The following TGFBR3 variants were observed in gnomAD, a reference collection of about 807,000 sequenced individuals.
TGFBR3 encodes the protein transforming growth factor beta receptor 3.
A neutral mutation model predicts 87.9 loss-of-function variants in TGFBR3; 46 were observed. The observed-to-expected ratio is 0.52, with a 90% CI of 0.41 to 0.67. TGFBR3 has a LOEUF of 0.67. Among genes scored for constraint, TGFBR3 ranks in the 30% least tolerant of loss-of-function variants. TGFBR3 has a pLI of 0.00. For synonymous variants in TGFBR3, 381 were observed against 391.6 expected (o/e 0.97, Z 0.32); for missense variants, 866 against 1,041.9 (o/e 0.83, Z 2.32).
In TGFBR3 at chr1:91,723,834, C is replaced by T. The variant is rs1672458275; in HGVS notation, c.886-1690G>A. 3.9e-5 allele frequency among the ~76,000 whole-genome samples: 6 copies of T among 152,194 alleles called. No individual in the cohort carries two copies. The South Asian group carries it at 1.2e-3, about 31-fold the overall frequency. ...ATGCCCAGTGATTTTCTCCTGCATGCATGCAGCATTTTTCCTAAATTCCTC... is the reference window on the plus strand; with the variant it reads ...ATGCCCAGTGATTTTCTCCTGCATGTATGCAGCATTTTTCCTAAATTCCTC... On this transcript the variant is annotated intron_variant, in intron 7 of 16. Transcript: ENST00000212355.
At chr1:91,762,703 A>G (rs1674015863) in intron 3 of TGFBR3, among the ~76,000 whole-genome samples, 1 of 152,218 alleles carries the variant, frequency 6.6e-6, no homozygotes, top group African/African-American at 2.4e-5. Context: ...TCCCTCATAC[A>G]TTGCTGATTC....
chr1:91,771,681 G>T (rs1175600673), intron 3 of TGFBR3, among the ~76,000 whole-genome samples: 3 of 145,774 alleles, frequency 2.1e-5, no homozygotes, highest in African/African-American at 7.6e-5. Flanking sequence ...ACTCCAGCCT[G>T]GGTGACAGAG....
intron 2 of TGFBR3, among the ~76,000 whole-genome samples, chr1:91,849,981 C>T (rs1487276598): frequency 6.8e-6 from 1 of 146,266 alleles, no homozygotes. Context: ...ACTCGGGAGG[C>T]TGAGGCAGGA....
chr1:91,728,372 C>T (rs1208323730), intron 6 of TGFBR3, among the ~76,000 whole-genome samples: 2 of 152,092 alleles, frequency 1.3e-5, no homozygotes, highest in East Asian at 1.9e-4. Context: ...GCTACAGAAT[C>T]GTATCTGCAT....
intron 1 of TGFBR3, among the ~76,000 whole-genome samples, chr1:91,875,199 G>A (rs1244676974): frequency 6.6e-6 from 1 of 152,166 alleles, no homozygotes; most frequent in Non-Finnish European, 1.5e-5. Flanking sequence ...TCACGAGGCA[G>A]CAAGAGAAGC....
chr1:91,711,296 T>G (rs1339152105), intron 13 of TGFBR3, among the ~76,000 whole-genome samples: 1 of 152,184 alleles, frequency 6.6e-6, no homozygotes, highest in Non-Finnish European at 1.5e-5. Context: ...TTCTCTTGGG[T>G]GTTATCAGAG....
chr1:91,856,468 A>T (rs1471717668), intron 2 of TGFBR3, among the ~76,000 whole-genome samples: 2 of 151,640 alleles, frequency 1.3e-5, no homozygotes, highest in Non-Finnish European at 2.9e-5. Context: ...ACAAGCAGAG[A>T]AGGAAAGAAA....
upstream of TGFBR3, among the ~76,000 whole-genome samples, chr1:91,888,180 C>T (rs1424719138): frequency 1.3e-5 from 2 of 152,188 alleles, no homozygotes; most frequent in East Asian, 1.9e-4. Context: ...CTGCCATCCA[C>T]GTGATATGTG....
intron 2 of TGFBR3, among the ~76,000 whole-genome samples, chr1:91,837,239 T>TATTG (rs1677097662): frequency 6.6e-6 from 1 of 151,782 alleles, no homozygotes; most frequent in South Asian, 2.1e-4. Context: ...TTTATTTATT[T>TATTG]ATTTATTTAT....
chr1:91,879,130 G>A (rs1022751455), intron 1 of TGFBR3, among the ~76,000 whole-genome samples: 3 of 151,904 alleles, frequency 2.0e-5, no homozygotes, highest in African/African-American at 4.8e-5. Context: ...TTAGCCAGAT[G>A]TGGTGGCCCC....
chr1:91,824,520 C>T (rs555675897), intron 2 of TGFBR3, among the ~76,000 whole-genome samples: 29 of 152,288 alleles, frequency 1.9e-4, no homozygotes, highest in Admixed American at 6.5e-4. Flanking sequence ...CATGGGTGCC[C>T]ATTCAAATGT....
intron 1 of TGFBR3, among the ~76,000 whole-genome samples, chr1:91,873,583 G>A (rs1427777252): frequency 6.6e-6 from 1 of 151,894 alleles, no homozygotes; most frequent in Non-Finnish European, 1.5e-5. Context: ...TTATAGGCCT[G>A]AGCCAACACG....
intron 1 of TGFBR3, among the ~76,000 whole-genome samples, chr1:91,900,235 T>TC (rs1309393591): frequency 6.6e-6 from 1 of 152,136 alleles, no homozygotes; most frequent in African/African-American, 2.4e-5. Flanking sequence ...CACCTCAGCC[T>TC]CCCGAGTACC....
intron 13 of TGFBR3, among the ~76,000 whole-genome samples, chr1:91,712,041 A>G (rs1422204282): frequency 2.0e-5 from 3 of 152,234 alleles, no homozygotes; most frequent in African/African-American, 4.8e-5. Context: ...AGTAGCACGC[A>G]TGGAAAAAAG....
At chr1:91,803,787 T>G (rs1237528259) in intron 2 of TGFBR3, among the ~76,000 whole-genome samples, 1 of 152,296 alleles carries the variant, frequency 6.6e-6, no homozygotes, top group Non-Finnish European at 1.5e-5. Context: ...CTCATTCTAC[T>G]GATCTCTCAA....
rs111332153 is a variant in TGFBR3 at position 91,732,519 on chromosome 1, G to A, written c.568+2257C>T. Among the ~76,000 whole-genome samples, 22 of 152,298 alleles carry A rather than the reference G, an allele frequency of 1.4e-4. 2 individuals are homozygous for A. Among genetic ancestry groups the A allele is most frequent in the African/African-American group, 3.8e-4 (16 of 41,572 alleles). On this transcript the variant is annotated intron_variant, in intron 5 of 16. Coordinates refer to ENST00000212355, the MANE Select transcript of TGFBR3 (RefSeq NM_003243.5). ...AGAGCAACCAGGCCTCATGGCCTGC[G>A]ATCGCTGGGTACAAGAAAGGTAGAG...
At chr1:91,751,498 T>A (rs557668359) in intron 4 of TGFBR3, among the ~76,000 whole-genome samples, 1 of 152,330 alleles carries the variant, frequency 6.6e-6, no homozygotes, top group South Asian at 2.1e-4. Flanking sequence ...GATTTCCAGT[T>A]AAATACTAGG....
At chr1:91,685,415 C>A (rs561215582) in intron 16 of TGFBR3, among the ~76,000 whole-genome samples, 209 of 151,498 alleles carry the variant, frequency 1.4e-3, no homozygotes, top group Middle Eastern at 0.014. Context: ...CTCCACCCCC[C>A]GGGTTCAAGC....
chr1:91,781,871 A>ATTC (rs764910403), intron 3 of TGFBR3, among the ~76,000 whole-genome samples: 8 of 152,204 alleles, frequency 5.3e-5, no homozygotes, highest in Non-Finnish European at 1.2e-4. Context: ...TAGGCTTTGA[A>ATTC]AGATTTTATG....
Sources: gnomAD v4.1 joint callset for allele counts (sites outside exome capture counted in the v4.1 genomes callset) on GRCh38, gnomAD v4.1.1 for gene constraint, MANE v1.5 for transcripts, NCBI Gene and HGNC (gene_info 2026-07-23, HGNC 2026-07-21) for gene names.